APC2: variants seen among roughly 807,000 people sequenced by gnomAD.
APC2 encodes the protein adenomatous polyposis coli protein 2.
A neutral mutation model predicts 72.5 loss-of-function variants in APC2; 41 were observed. The observed-to-expected ratio is 0.57, with a 90% confidence interval of 0.44 to 0.73. The LOEUF (loss-of-function observed/expected upper bound fraction) is 0.73. Among genes scored for constraint, APC2 ranks in the 30% least tolerant of loss-of-function variants. The pLI, the probability that APC2 is intolerant of heterozygous loss-of-function variation, is 0.00. For synonymous variants in APC2, 1,898 were observed against 1,612.0 expected, an observed-to-expected ratio of 1.18 and a Z score of -4.25; for missense variants, 3,729 against 3,403.4, an observed-to-expected ratio of 1.10 and a Z score of -2.38.
At position 1,456,377 on chromosome 19, in the gene APC2, T is replaced by A; in HGVS notation, c.789T>A (p.Asp263Glu). ...CAGAGGTCCCCACACACCCTGAGGATGGCACCCCTCAGCCGGGCAACAGCA... is the reference window on the plus strand; with the variant it reads ...CAGAGGTCCCCACACACCCTGAGGAAGGCACCCCTCAGCCGGGCAACAGCA... ...PETEVPTHPEDGTPQPGNSKV... is the reference protein window; with the variant it reads ...PETEVPTHPEEGTPQPGNSKV... The change falls in exon 8 of 15, where the codon GAT (aspartate) becomes GAA (glutamate). Residue 263 changes from aspartate to glutamate, a missense_variant. Physicochemically the swap from Asp to Glu is conservative, Grantham distance 45 (BLOSUM62 2). Coordinates refer to ENST00000590469, the MANE Select transcript of APC2 (RefSeq NM_005883.3). 1.2e-6 allele frequency: 2 copies of A among 1,606,940 alleles called. No individual in the cohort carries two copies. The highest frequency in any genetic ancestry group is 8.5e-7 in the Non-Finnish European group (1 of 1,177,782).
Position 1,465,667 on chromosome 19 carries a change from C to A in APC2, c.2366C>A (p.Ala789Glu). The A allele has an allele frequency of 6.3e-7, 1 of 1,598,014 alleles. No homozygotes were observed. Among genetic ancestry groups the A allele is most frequent in the Non-Finnish European group, 8.5e-7 (1 of 1,173,876 alleles). The change falls in exon 15 of 15, where the codon GCG becomes GAG. Residue 789 changes from alanine (A) to glutamate (E), a missense_variant. Ala to Glu is a moderately radical substitution (Grantham distance 107). Coordinates refer to ENST00000590469, the MANE Select transcript of APC2 (RefSeq NM_005883.3). ...DDDDAPSSLA[A>E]AAATGEPASP... ...GACGATGCACCGTCATCCCTGGCTG[C>A]GGCCGCGGCCACCGGGGAGCCAGCC...
In APC2 at chr19:1,468,797, C is replaced by G; in HGVS notation, c.5496C>G (p.Val1832=). Residue 1832 remains valine (V), a synonymous_variant, in exon 15 of 15, where the codon GTC becomes GTG. Transcript: ENST00000590469. Reference sequence around the variant, plus strand: ...CACAGCCCGCGGCTCCAGCCAAAGTCCCGAGCCCCGGGCAGCAGCGGTCGC... The same window carrying G: ...CACAGCCCGCGGCTCCAGCCAAAGTGCCGAGCCCCGGGCAGCAGCGGTCGC... ...CLAQPAAPAK[V]PSPGQQRSRS... 6.5e-7 allele frequency: 1 copy of G among 1,530,740 alleles called. No individual in the cohort carries two copies. The highest frequency in any genetic ancestry group is 8.8e-7 in the Non-Finnish European group (1 of 1,141,968). The allele number at this position is 1,530,740 out of a possible 1,614,324, so 94.8% of individuals were successfully genotyped here. A position where few individuals can be genotyped will look rare whatever the true frequency, so the allele number is the denominator to read the frequency against.
chr19:1,468,985 A>G lies in APC2; in HGVS notation c.5684A>G (p.Gln1895Arg). 1 of 1,559,806 alleles carries G rather than the reference A, an allele frequency of 6.4e-7. No homozygotes were observed. Among genetic ancestry groups the G allele is most frequent in the East Asian group, 2.4e-5 (1 of 41,182 alleles). Residue 1895 changes from glutamine to arginine, a missense_variant, in exon 15 of 15, where the codon CAG becomes CGG. Transcript: ENST00000590469. ...PLPRKRPPVTQAAGALPGPGA... is the reference protein window; with the variant it reads ...PLPRKRPPVTRAAGALPGPGA... The stretch of plus-strand genomic sequence containing the variant: ...CCCAGAAAGCGCCCCCCGGTCACCC[A>G]GGCTGCTGGGGCCCTGCCCGGCCCC...
Position 1,465,547 on chromosome 19 carries a change from C to T in APC2, c.2246C>T (p.Ala749Val). The change falls in exon 15 of 15, where the codon GCA becomes GTA. Residue 749 changes from alanine (A) to valine (V), a missense_variant. By Grantham distance (64) the Ala-to-Val change is moderately conservative (BLOSUM62 0). Coordinates refer to ENST00000590469, the MANE Select transcript of APC2 (RefSeq NM_005883.3). The stretch of plus-strand genomic sequence containing the variant: ...CACCTGGAGAAGCAGGGCCCGCCGG[C>T]AGCCGAGGCCGCCACTAAGAAGCCG... ...LEHLEKQGPPAAEAATKKPLP... is the reference protein window; with the variant it reads ...LEHLEKQGPPVAEAATKKPLP... The T allele has an allele frequency of 1.3e-6, 2 of 1,534,354 alleles. No individual in the cohort carries two copies. The highest frequency in any genetic ancestry group is 2.4e-5 in the South Asian group (2 of 82,942).
At chr19:1,455,279 G>C (rs778577691) in intron 5 of APC2, 22 bp downstream of exon 5, 5 of 1,565,398 alleles carry the variant, frequency 3.2e-6, no homozygotes, top group Non-Finnish European at 1.7e-6. Context: ...GGGGAGCCAG[G>C]GGGCAGCGCG....
In APC2 at chr19:1,457,978, C is replaced by G; in HGVS notation, c.1221C>G (p.Ile407Met). ...GGGAGSAPIP[I>M]EPQICQATCA... is the part of the protein sequence containing the mutation. Reference sequence around the variant, plus strand: ...CTGTGCCCACAGCCCCGATCCCCATCGAGCCGCAGATCTGCCAGGCCACCT... The same window carrying G: ...CTGTGCCCACAGCCCCGATCCCCATGGAGCCGCAGATCTGCCAGGCCACCT... The change falls in exon 10 of 15, where the codon ATC becomes ATG. Residue 407 changes from isoleucine to methionine, a missense_variant. Physicochemically the swap from Ile to Met is conservative, Grantham distance 10. Coordinates refer to ENST00000590469, the MANE Select transcript of APC2 (RefSeq NM_005883.3). 1 of 1,558,718 alleles carries G rather than the reference C, an allele frequency of 6.4e-7. No individual in the cohort carries two copies. The highest frequency in any genetic ancestry group is 2.4e-5 in the East Asian group (1 of 42,370).
chr19:1,457,895 C>CCGGGGGAGGGGGGG (rs374378343), intron 9 of APC2, 70 bp from the exon 10 acceptor site: 1 of 1,233,430 alleles, frequency 8.1e-7, no homozygotes. Flanking sequence ...GGGCGGGTTG[C>CCGGGGGAGGGGGGG]GGGACCTTCG....
At chr19:1,457,320 A>G (rs1200002921) in intron 9 of APC2, 77 bp downstream of exon 9, 18 of 1,445,298 alleles carry the variant, frequency 1.2e-5, no homozygotes, top group Non-Finnish European at 1.6e-5. Flanking sequence ...GGCGACTAGG[A>G]CCTCCAGCCT....
At position 1,467,301 on chromosome 19, in the gene APC2, G is replaced by A. The variant is rs1004253145; in HGVS notation, c.4000G>A (p.Gly1334Ser). ...GPAPTGSRPR[G>S]AADQELELLR... ...GGCGCCCACGGGTTCTCGCCCTCGC[G>A]GCGCCGCGGACCAGGAGCTGGAACT... Residue 1334 changes from glycine (G) to serine (S), a missense_variant, in exon 15 of 15, where the codon GGC (glycine) becomes AGC (serine). Coordinates refer to ENST00000590469, the MANE Select transcript of APC2 (RefSeq NM_005883.3). 7.5e-7 allele frequency: 1 copy of A among 1,324,782 alleles called. No individual in the cohort carries two copies. Among genetic ancestry groups the A allele is most frequent in the South Asian group, 2.0e-5 (1 of 49,010 alleles). The allele number at this position is 1,324,782 out of a possible 1,614,324, so 82.1% of individuals were successfully genotyped here.
Position 1,470,461 on chromosome 19 carries a change from G to C in APC2, c.*248G>C, listed in dbSNP as rs927181608. 1 of 544,332 alleles carries C rather than the reference G, an allele frequency of 1.8e-6. No homozygotes were observed. The highest frequency in any genetic ancestry group is 3.6e-5 in the East Asian group (1 of 27,710). The allele number at this position is 544,332 out of a possible 1,614,324, so 33.7% of individuals were successfully genotyped here. On this transcript the variant is annotated 3_prime_UTR_variant, in exon 15 of 15. Transcript: ENST00000590469. Reference sequence around the variant, plus strand: ...CTAGGCCTCAAGTCCCGACCGTGGAGCGCTGGCAAGGGCGTCCTGGCCCAG... The same window carrying C: ...CTAGGCCTCAAGTCCCGACCGTGGACCGCTGGCAAGGGCGTCCTGGCCCAG...
upstream of APC2, among the ~76,000 whole-genome samples, chr19:1,447,715 T>A (rs564759263): frequency 2.0e-5 from 3 of 152,212 alleles, no homozygotes; most frequent in Admixed American, 1.3e-4. Context: ...GCCAAGGGCA[T>A]CTTGTCTTGG....
In APC2 at chr19:1,460,534, C is replaced by G. The variant is rs1457877094; in HGVS notation, c.1443+214C>G. The stretch of plus-strand genomic sequence containing the variant: ...CACCTGGCGGTGTCCTCACGCCCAC[C>G]CTGTTGCTGCCTCTGCAGAAAATGG... On this transcript the variant is annotated intron_variant, in intron 11 of 14. Coordinates refer to ENST00000590469, the MANE Select transcript of APC2 (RefSeq NM_005883.3). 2.6e-5 allele frequency among the ~76,000 whole-genome samples: 4 copies of G among 152,256 alleles called. No homozygotes were observed. The East Asian group carries it at 7.7e-4, about 29-fold the overall frequency.
intron 10 of APC2, among the ~76,000 whole-genome samples, chr19:1,459,543 A>T (rs939827801): frequency 1.3e-5 from 2 of 152,190 alleles, no homozygotes; most frequent in African/African-American, 4.8e-5. Flanking sequence ...GTTTTCTGAG[A>T]TATGTCCCTA....
chr19:1,465,563 T>C lies in APC2; in HGVS notation c.2262T>C (p.Thr754=), dbSNP rs1349878448. The change falls in exon 15 of 15, where the codon ACT becomes ACC. Residue 754 remains threonine, a synonymous_variant. Transcript: ENST00000590469. ...KQGPPAAEAA[T]KKPLPPLRHL... ...GCCCGCCGGCAGCCGAGGCCGCCACTAAGAAGCCGCTGCCGCCCCTGCGAC... is the reference window on the plus strand; with the variant it reads ...GCCCGCCGGCAGCCGAGGCCGCCACCAAGAAGCCGCTGCCGCCCCTGCGAC... The C allele has an allele frequency of 6.4e-7, 1 of 1,550,412 alleles. No individual in the cohort carries two copies. The highest frequency in any genetic ancestry group is 1.2e-5 in the South Asian group (1 of 84,214).
At position 1,461,045 on chromosome 19, in the gene APC2, C is replaced by G; in HGVS notation, c.1530C>G (p.Ser510=). The G allele has an allele frequency of 6.2e-7, 1 of 1,613,910 alleles. No individual in the cohort carries two copies. Among genetic ancestry groups the G allele is most frequent in the Non-Finnish European group, 8.5e-7 (1 of 1,180,010 alleles). ...CCCCTCACCCCACCCAGGTGGTGTC[C>G]AGCATCCTTCGGAACTTGTCCTGGA... The part of the protein sequence containing the change: ...SDSEELHQVV[S]SILRNLSWRA... The change falls in exon 13 of 15, where the codon TCC becomes TCG. Residue 510 remains serine, a synonymous_variant. Transcript: ENST00000590469.
intron 5 of APC2, 63 bp from the exon 6 acceptor site, chr19:1,455,321 G>C: frequency 3.8e-6 from 6 of 1,587,272 alleles, no homozygotes; most frequent in East Asian, 2.3e-5. Context: ...GAAGCGGCGT[G>C]GGGGAGGAAC....
chr19:1,446,259 C>A (rs1599122707), upstream of APC2: 23 of 984,322 alleles, frequency 2.3e-5, no homozygotes, highest in Non-Finnish European at 2.8e-5. This position sits in a 1 kb window ranked among gnomAD's most constrained non-coding sequence, Gnocchi z 6.1. Context: ...AGGGGCGGGG[C>A]GCGGCGGGTC....
chr19:1,453,282 G>C lies in APC2; in HGVS notation c.177G>C (p.Gln59His). The change falls in exon 3 of 15, where the codon CAG becomes CAC. Residue 59 changes from glutamine to histidine, a missense_variant. Coordinates refer to ENST00000590469, the MANE Select transcript of APC2 (RefSeq NM_005883.3). ...VLKHLQGKLE[Q>H]EARVLVSSGQ... ...AGCACCTACAGGGAAAACTGGAGCA[G>C]GAGGCCCGAGTGCTGGTGTCCTCGG... 1.9e-6 allele frequency: 3 copies of C among 1,576,840 alleles called. No homozygotes were observed. Among genetic ancestry groups the C allele is most frequent in the Non-Finnish European group, 2.6e-6 (3 of 1,161,054 alleles).
chr19:1,467,950 C>T lies in APC2; in HGVS notation c.4649C>T (p.Ala1550Val). 6.3e-7 allele frequency: 1 copy of T among 1,586,884 alleles called. No individual in the cohort carries two copies. Among genetic ancestry groups the T allele is most frequent in the East Asian group, 2.3e-5 (1 of 43,568 alleles). The change falls in exon 15 of 15, where the codon GCC becomes GTC. Residue 1550 changes from alanine (A) to valine (V), a missense_variant. Transcript: ENST00000590469. Reference sequence around the variant, plus strand: ...CCGCAGGGCCGGAAGGAGGCCCCTGCCCCGTCCAAGGCTGCACCAGCTGCC... The same window carrying T: ...CCGCAGGGCCGGAAGGAGGCCCCTGTCCCGTCCAAGGCTGCACCAGCTGCC... The part of the protein sequence containing the change: ...ERPQGRKEAP[A>V]PSKAAPAAPP...
Sources: gnomAD v4.1 joint callset for allele counts (sites outside exome capture counted in the v4.1 genomes callset) on GRCh38, gnomAD v4.1.1 for gene constraint, Gnocchi (gnomAD v3.1) non-coding constraint, MANE v1.5 for transcripts, NCBI Gene and HGNC (gene_info 2026-07-23, HGNC 2026-07-21) for gene names.